The following CNTNAP5 variants were observed in gnomAD, a reference collection of about 807,000 sequenced individuals.
The protein encoded by CNTNAP5 is contactin-associated protein-like 5.
In CNTNAP5, 72 loss-of-function variants were observed where a neutral mutation model predicts 150.2. The ratio of observed to expected loss-of-function variants is 0.48; its 90% CI spans 0.40 to 0.58. The LOEUF (loss-of-function observed/expected upper bound fraction) is 0.58. Ranked by LOEUF, CNTNAP5 falls within the 20% of genes least tolerant of loss-of-function variation. The pLI is 0.00. For missense variants in CNTNAP5, 1,636 were observed against 1,626.2 expected (o/e 1.01, Z -0.10); for synonymous variants, 672 against 619.8 (o/e 1.08, Z -1.25).
chr2:124,333,947 A>C (rs1273745610), intron 3 of CNTNAP5, among the ~76,000 whole-genome samples: 1 of 152,106 alleles, frequency 6.6e-6, no homozygotes, highest in Non-Finnish European at 1.5e-5. Flanking sequence ...CTTGCTGGTG[A>C]CTCATGAGTT....
At chr2:124,403,536 TTGAC>T (rs1396357887) in intron 3 of CNTNAP5, among the ~76,000 whole-genome samples, 2 of 152,212 alleles carry the variant, frequency 1.3e-5, no homozygotes, top group African/African-American at 4.8e-5. Context: ...TGTTTGTAAA[TTGAC>T]TGATTTTGAA....
intron 1 of CNTNAP5, among the ~76,000 whole-genome samples, chr2:124,198,507 C>T (rs941908100): frequency 4.6e-5 from 7 of 151,958 alleles, no homozygotes; most frequent in Non-Finnish European, 8.8e-5. Flanking sequence ...ATGATTCAGC[C>T]TATCATCCTG....
intron 3 of CNTNAP5, among the ~76,000 whole-genome samples, chr2:124,319,066 G>A (rs893599437): frequency 2.0e-5 from 3 of 152,204 alleles, no homozygotes; most frequent in African/African-American, 4.8e-5. Flanking sequence ...TACCCTACCT[G>A]TTGAGAGGAA....
intron 1 of CNTNAP5, among the ~76,000 whole-genome samples, chr2:124,188,190 T>C (rs1030025072): frequency 9.2e-5 from 14 of 152,170 alleles, no homozygotes; most frequent in African/African-American, 2.7e-4. Flanking sequence ...GCTTAGACTT[T>C]GTTTTACATG....
At chr2:124,056,405 A>T (rs1681846921) in intron 1 of CNTNAP5, among the ~76,000 whole-genome samples, 1 of 152,190 alleles carries the variant, frequency 6.6e-6, no homozygotes, top group African/African-American at 2.4e-5. Context: ...CGAGCAGATC[A>T]CGAGGTCAGG....
chr2:124,273,284 T>C (rs1293793697), intron 3 of CNTNAP5, among the ~76,000 whole-genome samples: 3 of 152,170 alleles, frequency 2.0e-5, no homozygotes, highest in Admixed American at 6.5e-5. Flanking sequence ...AGAGACATTA[T>C]ACATATGCAA....
intron 3 of CNTNAP5, among the ~76,000 whole-genome samples, chr2:124,260,986 G>A (rs1687439123): frequency 6.6e-6 from 1 of 152,084 alleles, no homozygotes; most frequent in Non-Finnish European, 1.5e-5. Context: ...AGCATCTTGA[G>A]AGATAATTTT....
chr2:124,385,258 G>A (rs573935451), intron 3 of CNTNAP5, among the ~76,000 whole-genome samples: 31 of 152,264 alleles, frequency 2.0e-4, no homozygotes, highest in African/African-American at 7.5e-4. Flanking sequence ...GCATTAATGG[G>A]AGAGAAAACG....
At chr2:124,381,588 G>C (rs1489489456) in intron 3 of CNTNAP5, among the ~76,000 whole-genome samples, 3 of 152,052 alleles carry the variant, frequency 2.0e-5, no homozygotes, top group African/African-American at 7.2e-5. Context: ...GGTGCCATTT[G>C]CTGAGATGTG....
intron 22 of CNTNAP5, among the ~76,000 whole-genome samples, chr2:124,908,802 C>A (rs532021568): frequency 6.6e-6 from 1 of 152,090 alleles, no homozygotes; most frequent in South Asian, 2.1e-4. Context: ...GCCTGATCTA[C>A]TGTGTATGTT....
chr2:124,606,839 A>G (rs371818302), intron 11 of CNTNAP5, among the ~76,000 whole-genome samples: 1 of 152,158 alleles, frequency 6.6e-6, no homozygotes, highest in Non-Finnish European at 1.5e-5. Context: ...ATTACCTCGC[A>G]CCAGGTTCCT....
At chr2:124,786,446 G>GGAAGGAAA (rs1681590033) in intron 17 of CNTNAP5, among the ~76,000 whole-genome samples, 13 of 78,790 alleles carry the variant, frequency 1.6e-4, no homozygotes, top group East Asian at 3.3e-4. Flanking sequence ...AAGGAAGGAA[G>GGAAGGAAA]GAAAGAAAGA....
intron 1 of CNTNAP5, among the ~76,000 whole-genome samples, chr2:124,217,367 C>G (rs1341109814): frequency 6.6e-6 from 1 of 152,142 alleles, no homozygotes; most frequent in Non-Finnish European, 1.5e-5. Context: ...TTCAGACACA[C>G]TGTTAGAAGT....
intron 7 of CNTNAP5, among the ~76,000 whole-genome samples, chr2:124,484,587 T>C (rs1368802180): frequency 6.6e-6 from 1 of 152,226 alleles, no homozygotes; most frequent in African/African-American, 2.4e-5. Context: ...TAAGAGCTGA[T>C]AATATTATCA....
At chr2:124,278,468 C>T (rs1444166709) in intron 3 of CNTNAP5, among the ~76,000 whole-genome samples, 1 of 152,096 alleles carries the variant, frequency 6.6e-6, no homozygotes, top group African/African-American at 2.4e-5. Context: ...CCAGATGGCC[C>T]ATCATGGGTT....
At chr2:124,550,110 T>C (rs1276297660) in intron 10 of CNTNAP5, among the ~76,000 whole-genome samples, 1 of 152,218 alleles carries the variant, frequency 6.6e-6, no homozygotes, top group Non-Finnish European at 1.5e-5. Context: ...AAGACTAACA[T>C]TGCTAGTGCA....
At chr2:124,398,370 G>A (rs563824628) in intron 3 of CNTNAP5, among the ~76,000 whole-genome samples, 95 of 152,238 alleles carry the variant, frequency 6.2e-4, no homozygotes, top group African/African-American at 1.9e-3. Flanking sequence ...TTGCCTTTGG[G>A]GGAACATCTC....
At chr2:124,408,953 A>G (rs1486209195) in intron 3 of CNTNAP5, among the ~76,000 whole-genome samples, 1 of 151,306 alleles carries the variant, frequency 6.6e-6, no homozygotes, top group African/African-American at 2.4e-5. Context: ...ATGGGAGGAC[A>G]TTCAAACCAA....
intron 1 of CNTNAP5, among the ~76,000 whole-genome samples, chr2:124,068,211 A>T (rs1682212341): frequency 6.6e-6 from 1 of 152,142 alleles, no homozygotes; most frequent in African/African-American, 2.4e-5. Flanking sequence ...GTCAGTCTTG[A>T]ATCATTGGCA....
Sources: allele counts gnomAD v4.1 joint callset (sites outside exome capture counted in the v4.1 genomes callset), GRCh38; gene constraint gnomAD v4.1.1; transcripts MANE v1.5; gene names NCBI Gene and HGNC (gene_info 2026-07-23, HGNC 2026-07-21).